Variants in COL27A1 observed in about 807,000 individuals in gnomAD.
COL27A1 encodes the protein collagen alpha-1(XXVII) chain.
Under a neutral mutation model 251.3 loss-of-function variants are expected in COL27A1, and 106 were observed. That is an observed-to-expected ratio of 0.42 (90% CI 0.36 to 0.50). The LOEUF is 0.50. COL27A1 is among the 20% of genes least tolerant of loss of function. The pLI is 0.00. For synonymous variants in COL27A1, 1,000 were observed against 986.3 expected, an observed-to-expected ratio of 1.01 and a Z score of -0.26; for missense variants, 2,325 against 2,522.8, an observed-to-expected ratio of 0.92 and a Z score of 1.68.
At chr9:114,190,222 A>G (rs768275681) in intron 5 of COL27A1, among the ~76,000 whole-genome samples, 1 of 152,200 alleles carries the variant, frequency 6.6e-6, no homozygotes, top group Non-Finnish European at 1.5e-5. Flanking sequence ...TACTGAGACC[A>G]AGGATGACAT....
intron 48 of COL27A1, among the ~76,000 whole-genome samples, chr9:114,291,272 G>T (rs554023834): frequency 6.6e-6 from 1 of 152,308 alleles, no homozygotes; most frequent in Admixed American, 6.5e-5. Flanking sequence ...GGGAGGAGGG[G>T]GCCCCCATGA....
chr9:114,294,928 TAGA>T (rs1294466574), intron 49 of COL27A1, among the ~76,000 whole-genome samples: 6 of 152,262 alleles, frequency 3.9e-5, no homozygotes, highest in Non-Finnish European at 7.3e-5. Flanking sequence ...AATGTCTATG[TAGA>T]AGATCCATTG....
chr9:114,220,325 G>A (rs1310510407), intron 13 of COL27A1, among the ~76,000 whole-genome samples: 20 of 152,168 alleles, frequency 1.3e-4, no homozygotes, highest in Admixed American at 1.3e-3. Flanking sequence ...TCTGTTCCCC[G>A]AGGAGCCAGG....
intron 37 of COL27A1, among the ~76,000 whole-genome samples, chr9:114,278,752 A>G (rs1315636297): frequency 1.3e-5 from 2 of 151,832 alleles, no homozygotes; most frequent in Non-Finnish European, 2.9e-5. Flanking sequence ...AAGGAGAGTC[A>G]CTTGGGCCAG....
At chr9:114,160,787 G>GCTGTAGTGTGGCAT (rs1848448149) in intron 1 of COL27A1, among the ~76,000 whole-genome samples, 1 of 152,188 alleles carries the variant, frequency 6.6e-6, no homozygotes, top group South Asian at 2.1e-4. Context: ...TGTGAGACCT[G>GCTGTAGTGTGGCAT]CTGTAGTGTG....
chr9:114,205,656 C>A, intron 8 of COL27A1, 103 bp from the exon 9 acceptor site: 1 of 1,044,780 alleles, frequency 9.6e-7, no homozygotes, highest in Non-Finnish European at 1.5e-6. Context: ...CACATTCCTG[C>A]CCCTCTCTTT....
chr9:114,220,135 C>A (rs373366862), intron 13 of COL27A1, among the ~76,000 whole-genome samples: 1 of 152,184 alleles, frequency 6.6e-6, no homozygotes, highest in Non-Finnish European at 1.5e-5. Context: ...GGTCACTCCC[C>A]ACTGGAGAGG....
At chr9:114,276,663 C>T (rs1302424466) in intron 37 of COL27A1, among the ~76,000 whole-genome samples, 1 of 152,180 alleles carries the variant, frequency 6.6e-6, no homozygotes, top group Non-Finnish European at 1.5e-5. Context: ...AAGAGGTGAC[C>T]AAAGTCTGTT....
chr9:114,168,854 C>T lies in COL27A1; in HGVS notation c.1299C>T (p.Pro433=), dbSNP rs769351304. 2 of 1,614,040 alleles carry T rather than the reference C, an allele frequency of 1.2e-6. No homozygotes were observed. The highest frequency in any genetic ancestry group is 2.2e-5 in the South Asian group (2 of 91,068). Residue 433 remains proline, a synonymous_variant, in exon 3 of 61, where the codon CCC becomes CCT. Transcript: ENST00000356083. The part of the protein sequence containing the change: ...EKPIQRNPGM[P]RPPPPSTRPL... ...CCATCCAGAGGAACCCGGGAATGCC[C>T]AGGCCCCCACCGCCCAGCACCCGGC...
intron 27 of COL27A1, among the ~76,000 whole-genome samples, chr9:114,255,833 A>C (rs889334204): frequency 5.3e-5 from 8 of 152,106 alleles, no homozygotes; most frequent in African/African-American, 1.9e-4. Flanking sequence ...TCAGAATCAG[A>C]TACATGGGGG....
chr9:114,299,762 A>G lies in COL27A1; in HGVS notation c.4585-308A>G, dbSNP rs112206447. 4.4e-3 allele frequency among the ~76,000 whole-genome samples: 673 copies of G among 152,334 alleles called. 5 individuals carry two copies. The highest frequency in any genetic ancestry group is 0.015 in the African/African-American group (641 of 41,572). On this transcript the variant is annotated intron_variant, in intron 49 of 60. Transcript: ENST00000356083. ...TTTCAGAGCTGTGGGAGGAGGCTGC[A>G]GGCCCTTTTATTCTGTCCCTTGAAG...
intron 24 of COL27A1, 61 bp from the exon 25 acceptor site, chr9:114,250,554 C>G: frequency 3.4e-6 from 5 of 1,486,882 alleles, no homozygotes; most frequent in Non-Finnish European, 4.7e-6. Flanking sequence ...GGGGAAGGAG[C>G]GGGAGGGCTG....
rs1365224779 is a variant in COL27A1, at chr9:114,178,270, GTCT to G, written c.1909-16_1909-14del. On this transcript the variant is annotated intron_variant, in intron 3 of 60. Coordinates refer to ENST00000356083, the MANE Select transcript of COL27A1 (RefSeq NM_032888.4). ...CTGCCAGTGGGCACTGTCTAATGCT[GTCT>G]TCTTGTTTTCTCCTCAGGGTCCCCC... The G allele has an allele frequency of 6.2e-7, 1 of 1,611,568 alleles. No individual in the cohort carries two copies. Among genetic ancestry groups the G allele is most frequent in the Non-Finnish European group, 8.5e-7 (1 of 1,177,832 alleles).
chr9:114,295,135 T>G (rs1828175555), intron 49 of COL27A1, among the ~76,000 whole-genome samples: 1 of 152,262 alleles, frequency 6.6e-6, no homozygotes, highest in African/African-American at 2.4e-5. Context: ...GAATTGCATT[T>G]CTATACACTA....
chr9:114,300,455 G>A (rs1288366125), intron 50 of COL27A1, 170 bp from the exon 51 acceptor site: 25 of 577,078 alleles, frequency 4.3e-5, no homozygotes, highest in Admixed American at 3.0e-4. Flanking sequence ...ACACACTGCT[G>A]GTACCTGCTG....
chr9:114,173,571 T>C (rs953960287), intron 3 of COL27A1, among the ~76,000 whole-genome samples: 3 of 152,196 alleles, frequency 2.0e-5, no homozygotes, highest in African/African-American at 7.2e-5. Flanking sequence ...GAACGTCCTG[T>C]AGATGCCTGG....
chr9:114,206,184 T>A, intron 9 of COL27A1, 68 bp from the exon 10 acceptor site: 1 of 1,509,028 alleles, frequency 6.6e-7, no homozygotes, highest in Admixed American at 1.7e-5. Context: ...GAGGCAGGAC[T>A]TGCCCCAGGA....
At chr9:114,264,749 C>T (rs996972308) in intron 29 of COL27A1, among the ~76,000 whole-genome samples, 175 bp from the exon 30 acceptor site, 5 of 152,146 alleles carry the variant, frequency 3.3e-5, no homozygotes, top group South Asian at 2.1e-4. Flanking sequence ...CAGCTGGTGA[C>T]GGTGGCGAGC....
chr9:114,195,903 G>C, intron 6 of COL27A1, 56 bp from the exon 7 acceptor site: 1 of 1,268,890 alleles, frequency 7.9e-7, no homozygotes, highest in Non-Finnish European at 1.2e-6. Context: ...GTAGAGTGTA[G>C]CAGAGTGTCT....
Sources: allele counts gnomAD v4.1 joint callset (sites outside exome capture counted in the v4.1 genomes callset), GRCh38; gene constraint gnomAD v4.1.1; transcripts MANE v1.5; gene names NCBI Gene and HGNC (gene_info 2026-07-23, HGNC 2026-07-21).